The following DNAH14 variants were observed in gnomAD, a reference collection of about 807,000 sequenced individuals.
DNAH14 encodes axonemal beta dynein heavy chain 14.
A neutral mutation model predicts 520.9 loss-of-function variants in DNAH14; 478 were observed. The observed-to-expected ratio is 0.92, with a 90% CI of 0.85 to 0.99. The LOEUF (loss-of-function observed/expected upper bound fraction) is 0.99. Among genes scored for constraint, DNAH14 ranks in the 50% least tolerant of loss-of-function variants. The pLI is 0.00. For synonymous variants in DNAH14, 1,581 were observed against 1,757.2 expected (o/e 0.90, Z 2.51); for missense variants, 4,831 against 5,234.5 (o/e 0.92, Z 2.38).
chr1:225,199,131 A>G (rs1573931123), intron 38 of DNAH14, among the ~76,000 whole-genome samples: 1 of 152,172 alleles, frequency 6.6e-6, no homozygotes, highest in African/African-American at 2.4e-5. Flanking sequence ...TATGCACATA[A>G]AAGTGTTCAC....
At chr1:225,340,321 A>T in intron 68 of DNAH14, 136 bp from the exon 69 acceptor site, 1 of 872,588 alleles carries the variant, frequency 1.1e-6, no homozygotes. Context: ...TTGAAAGTGT[A>T]CTTTGTATAC....
At chr1:225,003,405 C>G (rs2063912628) in intron 9 of DNAH14, among the ~76,000 whole-genome samples, 1 of 151,932 alleles carries the variant, frequency 6.6e-6, no homozygotes, top group South Asian at 2.1e-4. Context: ...CTAATTAAGT[C>G]TACAATTGAA....
At chr1:225,057,794 T>A (rs2069346208) in intron 17 of DNAH14, among the ~76,000 whole-genome samples, 1 of 152,168 alleles carries the variant, frequency 6.6e-6, no homozygotes, top group Non-Finnish European at 1.5e-5. Context: ...AGTCATATGG[T>A]TTTTGTCGTT....
At position 225,360,851 on chromosome 1, in the gene DNAH14, G is replaced by C. The variant is rs1328749881; in HGVS notation, c.11947G>C (p.Ala3983Pro). 1.3e-6 allele frequency: 2 copies of C among 1,551,658 alleles called. No homozygotes were observed. Among genetic ancestry groups the C allele is most frequent in the East Asian group, 4.9e-5 (2 of 40,918 alleles). ...GGTCTTCCTCCAGAACTGCCATCTT[G>C]CAACATCATTTATGCCAAGGCTTTG... is the stretch of plus-strand genomic sequence containing the variant. ...QWVFLQNCHL[A>P]TSFMPRLCTI... The change falls in exon 75 of 86, where the codon GCA becomes CCA. Residue 3983 changes from alanine to proline, a missense_variant. By Grantham distance (27) the Ala-to-Pro change is conservative. Transcript: ENST00000682510.
At chr1:224,958,591 C>T (rs2060653523) in intron 3 of DNAH14, among the ~76,000 whole-genome samples, 2 of 151,936 alleles carry the variant, frequency 1.3e-5, no homozygotes, top group Non-Finnish European at 2.9e-5. Context: ...GACTGGAGTT[C>T]CTGATGAGCT....
At chr1:225,284,251 C>G (rs916957907) in intron 54 of DNAH14, among the ~76,000 whole-genome samples, 1 of 151,620 alleles carries the variant, frequency 6.6e-6, no homozygotes, top group African/African-American at 2.4e-5. Flanking sequence ...AAGTTCTTTG[C>G]TAGACTGACC....
chr1:224,943,309 T>C (rs1013056916), intron 1 of DNAH14, among the ~76,000 whole-genome samples: 3 of 152,208 alleles, frequency 2.0e-5, no homozygotes, highest in African/African-American at 7.2e-5. Context: ...TCTCTGATGG[T>C]AGTTTGTATT....
intron 71 of DNAH14, among the ~76,000 whole-genome samples, chr1:225,350,967 T>C (rs901963476): frequency 1.1e-4 from 17 of 152,166 alleles, no homozygotes; most frequent in African/African-American, 3.6e-4. Context: ...TGAATAACAT[T>C]GATGCAAAAA....
In DNAH14 at chr1:225,152,894, A is replaced by G. The variant is rs1489270020; in HGVS notation, c.5196+11A>G. On this transcript the variant is annotated intron_variant, in intron 33 of 85. Coordinates refer to ENST00000682510, the MANE Select transcript of DNAH14 (RefSeq NM_001367479.1). The stretch of plus-strand genomic sequence containing the variant: ...CAGCTCTCACAACAGGTAAATAGCT[A>G]CTTTTCTCAAAATATTTAAAGGTGA... The G allele has an allele frequency of 9.7e-6, 15 of 1,543,890 alleles. No individual in the cohort carries two copies. The South Asian group carries it at 1.6e-4, about 16-fold the overall frequency.
In DNAH14 at chr1:225,119,373, A is replaced by G. The variant is rs1253661302; in HGVS notation, c.4166+79A>G. ...ATATATATATACACACACATTTTTTAAAACTCACTTATCTACTAATCTAAG... is the reference window on the plus strand; with the variant it reads ...ATATATATATACACACACATTTTTTGAAACTCACTTATCTACTAATCTAAG... On this transcript the variant is annotated intron_variant, in intron 26 of 85. Transcript: ENST00000682510. 3.0e-6 allele frequency: 3 copies of G among 998,990 alleles called. No individual in the cohort carries two copies. In the African/African-American group the frequency reaches 5.1e-5, roughly 17 times the overall value. 61.9% of individuals were successfully genotyped at this position (998,990 alleles called of 1,614,324 possible).
At position 225,043,032 on chromosome 1, in the gene DNAH14, C is replaced by CA. The variant is rs2067615253; in HGVS notation, c.1692dup (p.His565ThrfsTer4). 1.3e-6 allele frequency: 2 copies of CA among 1,551,078 alleles called. No individual in the cohort carries two copies. Among genetic ancestry groups the CA allele is most frequent in the East Asian group, 2.4e-5 (1 of 40,876 alleles). On this transcript the variant is annotated frameshift_variant, in exon 13 of 86. Coordinates refer to ENST00000682510, the MANE Select transcript of DNAH14 (RefSeq NM_001367479.1). LOFTEE classifies it high-confidence loss of function. ...TGTCAGAAAATAAAGACAATTGTGT[C>CA]AAAAAACACTCAAGTGAAGAATTGC...
chr1:225,249,100 T>G (rs1205505221), intron 43 of DNAH14, among the ~76,000 whole-genome samples: 4 of 152,198 alleles, frequency 2.6e-5, no homozygotes, highest in Non-Finnish European at 5.9e-5. Context: ...AAGCCCCTCG[T>G]AGAGCCAATC....
intron 79 of DNAH14, among the ~76,000 whole-genome samples, chr1:225,378,682 A>G (rs1032107838): frequency 6.6e-6 from 1 of 152,092 alleles, no homozygotes; most frequent in Non-Finnish European, 1.5e-5. Flanking sequence ...GGAGTTCAAG[A>G]TCAGCCTGGC....
intron 41 of DNAH14, among the ~76,000 whole-genome samples, chr1:225,222,018 T>G (rs1472490061): frequency 1.3e-5 from 2 of 152,174 alleles, no homozygotes; most frequent in African/African-American, 4.8e-5. Flanking sequence ...GCTACTGGAC[T>G]CTTTTTGGTG....
intron 74 of DNAH14, among the ~76,000 whole-genome samples, chr1:225,359,278 G>GA (rs1378798052): frequency 1.3e-5 from 2 of 152,148 alleles, no homozygotes; most frequent in Non-Finnish European, 1.5e-5. Context: ...TTTCTGCACA[G>GA]AAAATACCTT....
chr1:225,354,141 C>T (rs1424917642), intron 73 of DNAH14: 4 of 703,676 alleles, frequency 5.7e-6, no homozygotes, highest in Non-Finnish European at 1.0e-5. Context: ...GACTCATAGC[C>T]CTGTCCCTTT....
chr1:225,229,907 A>G (rs1206011559), intron 41 of DNAH14, among the ~76,000 whole-genome samples: 2 of 152,152 alleles, frequency 1.3e-5, no homozygotes, highest in African/African-American at 4.8e-5. Flanking sequence ...CCAGAACTTA[A>G]AGTATAATAA....
intron 27 of DNAH14, among the ~76,000 whole-genome samples, chr1:225,136,246 G>A (rs187472266): frequency 6.6e-6 from 1 of 152,268 alleles, no homozygotes; most frequent in East Asian, 1.9e-4. Context: ...TTGCTTCATA[G>A]TGTCACTAGT....
At chr1:225,321,100 A>G (rs1394412748) in intron 61 of DNAH14, among the ~76,000 whole-genome samples, 1 of 152,212 alleles carries the variant, frequency 6.6e-6, no homozygotes, top group Non-Finnish European at 1.5e-5. Context: ...CAAGCTGATA[A>G]TCTCAGAAAA....
Sources: gnomAD v4.1 joint callset for allele counts (sites outside exome capture counted in the v4.1 genomes callset) on GRCh38, gnomAD v4.1.1 for gene constraint, MANE v1.5 for transcripts, NCBI Gene and HGNC (gene_info 2026-07-23, HGNC 2026-07-21) for gene names.